The following NEMP2 variants were observed in gnomAD, a reference collection of about 807,000 sequenced individuals.
The protein encoded by NEMP2 is UPF0571 transmembrane protein.
Under a neutral mutation model 54.2 loss-of-function variants are expected in NEMP2, and 53 were observed. That is an observed-to-expected ratio of 0.98 (90% CI 0.78 to 1.23). NEMP2 has a LOEUF of 1.23. Among genes scored for constraint, NEMP2 ranks in the 50% most tolerant of loss-of-function variants. NEMP2 has a pLI of 0.00. For missense variants in NEMP2, 455 were observed against 511.3 expected (o/e 0.89, Z 1.06); for synonymous variants, 197 against 190.3 (o/e 1.04, Z -0.29).
the NEMP2 span, among the ~76,000 whole-genome samples, chr2:190,622,145 G>A: frequency 1.3e-5 from 2 of 152,002 alleles, no homozygotes; most frequent in East Asian, 3.9e-4. Context: ...GCCCATACCT[G>A]TAATCTCAGC....
chr2:190,496,998 A>G, the NEMP2 span, among the ~76,000 whole-genome samples: 11 of 152,188 alleles, frequency 7.2e-5, no homozygotes, highest in African/African-American at 2.7e-4. The surrounding 1 kb of genome is among the most constrained non-coding windows in gnomAD (Gnocchi z 4.7). Context: ...AAATCTCACA[A>G]ATCACCATTA....
chr2:190,633,595 T>C, the NEMP2 span, among the ~76,000 whole-genome samples: 1 of 152,186 alleles, frequency 6.6e-6, no homozygotes. Flanking sequence ...ATTACAGGCA[T>C]GAGCCACTGC....
At chr2:190,634,855 A>T in the NEMP2 span, among the ~76,000 whole-genome samples, 2 of 152,138 alleles carry the variant, frequency 1.3e-5, no homozygotes, top group African/African-American at 4.8e-5. This position sits in a 1 kb window ranked among gnomAD's most constrained non-coding sequence, Gnocchi z 6.8. Flanking sequence ...TTAAATCTCA[A>T]CTCTGATCTT....
chr2:190,609,846 T>G, the NEMP2 span: 1 of 152,222 alleles, frequency 6.6e-6, no homozygotes, highest in Non-Finnish European at 1.5e-5. This position sits in a 1 kb window ranked among gnomAD's most constrained non-coding sequence, Gnocchi z 4.7. Context: ...GTGGAGGTGG[T>G]TGATTTGTTC....
At chr2:190,605,736 A>G in the NEMP2 span, among the ~76,000 whole-genome samples, 1 of 152,176 alleles carries the variant, frequency 6.6e-6, no homozygotes, top group African/African-American at 2.4e-5. Context: ...CTTGTTCCAC[A>G]TGGCCATCTT....
chr2:190,484,005 C>T, the NEMP2 span, among the ~76,000 whole-genome samples: 28 of 152,180 alleles, frequency 1.8e-4, no homozygotes, highest in African/African-American at 6.5e-4. Flanking sequence ...CCTGGGGGAT[C>T]CCAGTAAAGG....
At chr2:190,589,336 T>G in the NEMP2 span, among the ~76,000 whole-genome samples, 1 of 152,198 alleles carries the variant, frequency 6.6e-6, no homozygotes, top group Non-Finnish European at 1.5e-5. The surrounding 1 kb of genome is among the most constrained non-coding windows in gnomAD (Gnocchi z 4.3). Flanking sequence ...CTTGGAAGCC[T>G]TGTGCCTTTC....
At chr2:190,617,133 A>AG in the NEMP2 span, 1 of 152,120 alleles carries the variant, frequency 6.6e-6, no homozygotes, top group East Asian at 1.9e-4. The surrounding 1 kb of genome is among the most constrained non-coding windows in gnomAD (Gnocchi z 5.0). Context: ...CTCAAAAAAA[A>AG]AAAAAGAATA....
At chr2:190,423,993 G>A in the NEMP2 span, among the ~76,000 whole-genome samples, 1 of 152,114 alleles carries the variant, frequency 6.6e-6, no homozygotes, top group Non-Finnish European at 1.5e-5. This position sits in a 1 kb window ranked among gnomAD's most constrained non-coding sequence, Gnocchi z 4.3. Context: ...TAATTGGATT[G>A]TTTGTTGAGT....
At chr2:190,430,498 G>A in the NEMP2 span, among the ~76,000 whole-genome samples, 1 of 151,784 alleles carries the variant, frequency 6.6e-6, no homozygotes, top group East Asian at 1.9e-4. Flanking sequence ...CACAGCACAT[G>A]TTTCAGAGAG....
At chr2:190,603,235 T>C in the NEMP2 span, among the ~76,000 whole-genome samples, 3 of 152,116 alleles carry the variant, frequency 2.0e-5, no homozygotes, top group African/African-American at 7.2e-5. Flanking sequence ...AATTTTTTCC[T>C]GTGCAAAAAC....
chr2:190,557,175 A>T, the NEMP2 span, among the ~76,000 whole-genome samples: 1 of 152,242 alleles, frequency 6.6e-6, no homozygotes. Flanking sequence ...AATGCCACAC[A>T]TCTACAACCA....
At position 190,525,454 on chromosome 2, in the gene NEMP2, A is replaced by C. The variant is rs1574310822; in HGVS notation, c.98-76T>G. ...TCTTTTTTAAAAAAAGTTTGCAGGG[A>C]GGTAACAGTAGCAGTTTTAACGTTC... On this transcript the variant is annotated intron_variant, in intron 1 of 8. Transcript: ENST00000409150. This position sits in a 1 kb window ranked among gnomAD's most constrained non-coding sequence, Gnocchi z 5.0. 1.2e-5 allele frequency: 9 copies of C among 751,586 alleles called. No individual in the cohort carries two copies. In the East Asian group the frequency reaches 2.5e-4, roughly 20 times the overall value. 46.6% of individuals were successfully genotyped at this position (751,586 alleles called of 1,614,324 possible).
chr2:190,424,578 G>A, the NEMP2 span, among the ~76,000 whole-genome samples: 79 of 152,144 alleles, frequency 5.2e-4, no homozygotes, highest in African/African-American at 1.6e-3. This position sits in a 1 kb window ranked among gnomAD's most constrained non-coding sequence, Gnocchi z 5.9. Context: ...CAGGTGATCC[G>A]TCCACCTCGG....
the NEMP2 span, among the ~76,000 whole-genome samples, chr2:190,623,196 T>A: frequency 6.6e-6 from 1 of 152,190 alleles, no homozygotes; most frequent in African/African-American, 2.4e-5. Flanking sequence ...AAATGTTCCA[T>A]GCTCATGGAT....
chr2:190,604,751 AATG>A, the NEMP2 span, among the ~76,000 whole-genome samples: 3 of 152,112 alleles, frequency 2.0e-5, no homozygotes, highest in Non-Finnish European at 2.9e-5. This position sits in a 1 kb window ranked among gnomAD's most constrained non-coding sequence, Gnocchi z 4.5. Flanking sequence ...TTTTTTAAAA[AATG>A]ATAATATTGT....
rs1690752672 is a variant in NEMP2 at position 190,521,620 on chromosome 2, CT to C, written c.214-2438del. Among the ~76,000 whole-genome samples, 1 of 152,200 alleles carries C rather than the reference CT, an allele frequency of 6.6e-6. No individual in the cohort carries two copies. ...AAAAAGCTGCCTGTGCCTGCAGTCT[CT>C]AGTTCCTCTCCTTCCATTCTCCCTT... On this transcript the variant is annotated intron_variant, in intron 2 of 8. Coordinates refer to ENST00000409150, the MANE Select transcript of NEMP2 (RefSeq NM_001142645.2). The surrounding 1 kb of genome is among the most constrained non-coding windows in gnomAD (Gnocchi z 6.2).
chr2:190,547,355 T>G, the NEMP2 span, among the ~76,000 whole-genome samples: 12 of 152,226 alleles, frequency 7.9e-5, no homozygotes, highest in Non-Finnish European at 1.8e-4. The surrounding 1 kb of genome is among the most constrained non-coding windows in gnomAD (Gnocchi z 6.2). Flanking sequence ...TATTCATTAT[T>G]CTAAACTTTG....
chr2:190,583,388 C>G, the NEMP2 span, among the ~76,000 whole-genome samples: 1 of 152,134 alleles, frequency 6.6e-6, no homozygotes, highest in South Asian at 2.1e-4. Flanking sequence ...GCCAGGGTGA[C>G]TCTGAGTGGC....
Sources: gnomAD v4.1 joint callset for allele counts (sites outside exome capture counted in the v4.1 genomes callset) on GRCh38, gnomAD v4.1.1 for gene constraint, Gnocchi (gnomAD v3.1) non-coding constraint, MANE v1.5 for transcripts, NCBI Gene and HGNC (gene_info 2026-07-23, HGNC 2026-07-21) for gene names.